The following MLIP variants were observed in gnomAD, a reference collection of about 807,000 sequenced individuals.
The protein encoded by MLIP is muscular LMNA-interacting protein.
In MLIP, 79 loss-of-function variants were observed where a neutral mutation model predicts 84.8. That is an observed-to-expected ratio of 0.93 (90% CI 0.78 to 1.12). The LOEUF (loss-of-function observed/expected upper bound fraction) is 1.12, where lower values mean the gene tolerates loss of function less well. Ranked by LOEUF, MLIP falls within the 50% of genes most tolerant of loss-of-function variation. The pLI is 0.00. For synonymous variants in MLIP, 504 were observed against 463.0 expected, an observed-to-expected ratio of 1.09 and a Z score of -1.14; for missense variants, 1,257 against 1,160.6, an observed-to-expected ratio of 1.08 and a Z score of -1.21.
intron 1 of MLIP, chr6:54,063,483 G>A (rs1393657508): frequency 6.6e-6 from 1 of 152,068 alleles, no homozygotes; most frequent in Non-Finnish European, 1.5e-5. Context: ...TATGAATTTG[G>A]CATATTTAAC....
At chr6:54,144,653 G>A (rs1215041831) in intron 4 of MLIP, among the ~76,000 whole-genome samples, 1 of 152,180 alleles carries the variant, frequency 6.6e-6, no homozygotes, top group Non-Finnish European at 1.5e-5. Context: ...ACGCTCACCT[G>A]CTGTTCACTT....
At chr6:54,096,713 C>T (rs1454848740) in intron 1 of MLIP, among the ~76,000 whole-genome samples, 2 of 152,218 alleles carry the variant, frequency 1.3e-5, no homozygotes, top group African/African-American at 4.8e-5. Flanking sequence ...TTCCCACCAG[C>T]TGCTCTCTCA....
chr6:54,118,415 C>G (rs929046443), intron 1 of MLIP, among the ~76,000 whole-genome samples: 1 of 152,176 alleles, frequency 6.6e-6, no homozygotes, highest in Non-Finnish European at 1.5e-5. Context: ...GTGCCAAGAA[C>G]ACACAATGGG....
intron 12 of MLIP, among the ~76,000 whole-genome samples, chr6:54,248,981 C>T (rs2150861624): frequency 6.6e-6 from 1 of 152,124 alleles, no homozygotes; most frequent in East Asian, 1.9e-4. Context: ...TGTAACAGTT[C>T]ATACAAGGAA....
intron 1 of MLIP, chr6:54,029,567 T>C (rs1422394561): frequency 6.6e-6 from 1 of 152,208 alleles, no homozygotes; most frequent in Non-Finnish European, 1.5e-5. Flanking sequence ...CAGTCTCAGA[T>C]ATTTTGTTAT....
intron 1 of MLIP, among the ~76,000 whole-genome samples, chr6:54,112,676 T>A (rs1013250689): frequency 4.7e-5 from 7 of 148,594 alleles, no homozygotes; most frequent in Admixed American, 2.7e-4. Flanking sequence ...TAAAAAAAAA[T>A]TGTTTCCTTA....
intron 12 of MLIP, among the ~76,000 whole-genome samples, chr6:54,240,144 C>T (rs751581265): frequency 2.6e-5 from 4 of 152,092 alleles, no homozygotes; most frequent in African/African-American, 4.8e-5. Flanking sequence ...ACAACAACAA[C>T]GAAATAGAAT....
At chr6:54,121,319 A>G (rs1025503994) in intron 1 of MLIP, 128 bp from the exon 2 acceptor site, 5 of 922,654 alleles carry the variant, frequency 5.4e-6, no homozygotes, top group Non-Finnish European at 8.4e-6. Context: ...TTTGGCAGCC[A>G]TATACATGAT....
intron 3 of MLIP, among the ~76,000 whole-genome samples, chr6:54,125,530 T>C (rs1770851576): frequency 6.6e-6 from 1 of 152,166 alleles, no homozygotes; most frequent in Non-Finnish European, 1.5e-5. Flanking sequence ...ACATCTGTGA[T>C]GGCAGGAAAG....
At chr6:54,122,389 A>G (rs561673561) in intron 2 of MLIP, among the ~76,000 whole-genome samples, 120 of 152,296 alleles carry the variant, frequency 7.9e-4, no homozygotes, top group African/African-American at 2.9e-3. Context: ...AAGTGAAATT[A>G]CACAAATTTA....
At chr6:54,265,880 T>A in intron 13 of MLIP, 70 bp from the exon 14 acceptor site, 5 of 1,411,190 alleles carry the variant, frequency 3.5e-6, no homozygotes, top group Non-Finnish European at 4.9e-6. Flanking sequence ...AATATTAATG[T>A]ATAATTTTCA....
At chr6:54,062,441 A>G (rs1409943789) in intron 1 of MLIP, among the ~76,000 whole-genome samples, 1 of 152,196 alleles carries the variant, frequency 6.6e-6, no homozygotes, top group African/African-American at 2.4e-5. Flanking sequence ...TCCACAGACT[A>G]TACATAATAT....
chr6:54,251,681 A>G (rs1308472435), intron 12 of MLIP, among the ~76,000 whole-genome samples: 20 of 103,886 alleles, frequency 1.9e-4, no homozygotes, highest in African/African-American at 8.1e-4. Flanking sequence ...TATAACATAT[A>G]ATATAAATAT....
At chr6:54,145,828 C>A (rs900165114) in intron 4 of MLIP, among the ~76,000 whole-genome samples, 3 of 145,050 alleles carry the variant, frequency 2.1e-5, no homozygotes, top group Non-Finnish European at 3.0e-5. Flanking sequence ...GAAAAAATTT[C>A]TTGAATAAAT....
intron 1 of MLIP, among the ~76,000 whole-genome samples, chr6:54,091,587 G>T (rs188405384): frequency 1.5e-3 from 234 of 152,174 alleles, no homozygotes; most frequent in African/African-American, 5.1e-3. Context: ...AAGATCACGT[G>T]GGAGAAAAAT....
chr6:54,135,424 G>A (rs1404744407), intron 3 of MLIP, among the ~76,000 whole-genome samples: 1 of 152,014 alleles, frequency 6.6e-6, no homozygotes, highest in Non-Finnish European at 1.5e-5. Flanking sequence ...TGGAAGTTTG[G>A]GATGAGTGTT....
chr6:54,216,031 T>G (rs959614448), intron 11 of MLIP: 5 of 425,082 alleles, frequency 1.2e-5, no homozygotes, highest in African/African-American at 1.1e-4. Context: ...TGAATAATAT[T>G]TCATTGTTTA....
At chr6:54,163,374 G>T (rs1374125875) in intron 8 of MLIP, among the ~76,000 whole-genome samples, 1 of 151,356 alleles carries the variant, frequency 6.6e-6, no homozygotes, top group Non-Finnish European at 1.5e-5. Flanking sequence ...TGCAATTCTT[G>T]TTATGTTAGG....
chr6:54,153,012 T>A (rs1229772454), intron 5 of MLIP, among the ~76,000 whole-genome samples: 1 of 152,086 alleles, frequency 6.6e-6, no homozygotes, highest in Non-Finnish European at 1.5e-5. Flanking sequence ...TTTCTGAGGA[T>A]AAAATTAGGG....
Sources: allele counts gnomAD v4.1 joint callset (sites outside exome capture counted in the v4.1 genomes callset), GRCh38; gene constraint gnomAD v4.1.1; transcripts MANE v1.5; gene names NCBI Gene and HGNC (gene_info 2026-07-23, HGNC 2026-07-21).